EDNRB: variants seen among roughly 807,000 people sequenced by gnomAD.
EDNRB encodes the protein Hirschsprung disease 2.
A neutral mutation model predicts 46.4 loss-of-function variants in EDNRB; 18 were observed. The ratio of observed to expected loss-of-function variants is 0.39; its 90% confidence interval spans 0.27 to 0.57. The LOEUF (loss-of-function observed/expected upper bound fraction) is 0.57, where lower values mean the gene tolerates loss of function less well. EDNRB is among the 20% of genes least tolerant of loss of function. EDNRB has a pLI of 0.61. For missense variants in EDNRB, 434 were observed against 537.5 expected, an observed-to-expected ratio of 0.81 and a Z score of 1.90; for synonymous variants, 213 against 204.9, an observed-to-expected ratio of 1.04 and a Z score of -0.34.
Position 77,904,936 on chromosome 13 carries a change from T to C in EDNRB, c.484-1329A>G, listed in dbSNP as rs946304827. On this transcript the variant is annotated intron_variant, in intron 1 of 6. Transcript: ENST00000646607. Reference sequence around the variant, plus strand: ...CGAGTTTGTCAAGCTGAGTTGATTGTTCTATAACTAGAATGACGTCAAAGG... The same window carrying C: ...CGAGTTTGTCAAGCTGAGTTGATTGCTCTATAACTAGAATGACGTCAAAGG... Among the ~76,000 whole-genome samples, 5 of 152,140 alleles carry C rather than the reference T, an allele frequency of 3.3e-5. No homozygotes were observed. In the South Asian group the frequency reaches 8.3e-4, roughly 25 times the overall value.
chr13:77,898,841 C>A (rs1010831072), intron 6 of EDNRB, among the ~76,000 whole-genome samples: 2 of 151,904 alleles, frequency 1.3e-5, no homozygotes, highest in Admixed American at 1.3e-4. Context: ...ATTTAACCTG[C>A]TTTTTCTCAC....
At chr13:77,938,533 G>T (rs563362578) in intron 1 of EDNRB, among the ~76,000 whole-genome samples, 1 of 152,274 alleles carries the variant, frequency 6.6e-6, no homozygotes, top group African/African-American at 2.4e-5. Flanking sequence ...GCCGCTAAGG[G>T]TGAATGACCA....
In EDNRB at chr13:77,918,286, G is replaced by A. The variant is rs1482128726; in HGVS notation, c.288C>T (p.Ile96=). The part of the protein sequence containing the change: ...SPPPCQGPIE[I]KETFKYINTV... The stretch of plus-strand genomic sequence containing the variant: ...TGTTGATGTATTTGAAAGTCTCCTT[G>A]ATCTCGATGGGTCCTTGGCACGGGG... Residue 96 remains isoleucine, a synonymous_variant, in exon 1 of 7, where the codon ATC becomes ATT. Coordinates refer to ENST00000646607, the MANE Select transcript of EDNRB (RefSeq NM_001122659.3). The surrounding 1 kb of genome is among the most constrained non-coding windows in gnomAD (Gnocchi z 4.5). 1 of 1,614,082 alleles carries A rather than the reference G, an allele frequency of 6.2e-7. No individual in the cohort carries two copies. Among genetic ancestry groups the A allele is most frequent in the Non-Finnish European group, 8.5e-7 (1 of 1,180,004 alleles).
At chr13:77,969,270 G>T (rs1881662223) in intron 1 of EDNRB, among the ~76,000 whole-genome samples, 1 of 152,134 alleles carries the variant, frequency 6.6e-6, no homozygotes, top group Non-Finnish European at 1.5e-5. Context: ...CTGTAACCAG[G>T]TCTATGGTTG....
intron 3 of EDNRB, among the ~76,000 whole-genome samples, chr13:77,902,443 T>A (rs1374429157): frequency 1.3e-5 from 2 of 151,898 alleles, no homozygotes; most frequent in African/African-American, 4.8e-5. Context: ...CTAGCCTCTA[T>A]CACCTGCTCT....
intron 1 of EDNRB, among the ~76,000 whole-genome samples, chr13:77,969,008 A>G (rs1282257504): frequency 2.0e-5 from 3 of 152,174 alleles, no homozygotes; most frequent in African/African-American, 7.2e-5. Context: ...AATGACATCC[A>G]TTGGTCTTAA....
intron 1 of EDNRB, among the ~76,000 whole-genome samples, chr13:77,905,365 T>A (rs1879222818): frequency 1.3e-5 from 2 of 151,982 alleles, no homozygotes; most frequent in African/African-American, 4.8e-5. Flanking sequence ...TATATATTTT[T>A]AAAAAACTCT....
At chr13:77,968,832 C>T (rs13378491) in intron 1 of EDNRB, among the ~76,000 whole-genome samples, 3,148 of 152,196 alleles carry the variant, frequency 0.021, 116 homozygotes, top group African/African-American at 0.072. Context: ...TTGTGTACTG[C>T]TCCTTAAAAA....
Position 77,961,819 on chromosome 13 carries a change from C to G in EDNRB, c.-52+13528G>C, listed in dbSNP as rs543257125. 2.6e-5 allele frequency among the ~76,000 whole-genome samples: 4 copies of G among 152,144 alleles called. No individual in the cohort carries two copies. The South Asian group carries it at 8.3e-4, about 32-fold the overall frequency. On this transcript the variant is annotated intron_variant, in intron 1 of 7. Transcript: ENST00000646948. ...GGAGATAGAGACATGAAAAACCCTT[C>G]AAAAAATCAATGAATCCAGGAGCTG... is the stretch of plus-strand genomic sequence containing the variant.
intron 1 of EDNRB, among the ~76,000 whole-genome samples, chr13:77,909,983 C>T (rs945185335): frequency 2.6e-5 from 4 of 151,844 alleles, no homozygotes; most frequent in Admixed American, 6.6e-5. Context: ...GAAAAGGTAA[C>T]GACAAAAATT....
chr13:77,939,449 G>T (rs986118799), intron 1 of EDNRB: 1 of 152,120 alleles, frequency 6.6e-6, no homozygotes, highest in Non-Finnish European at 1.5e-5. Context: ...TCTCTAATTT[G>T]AGTTTTAGTG....
At chr13:77,908,900 T>G (rs901742609) in intron 1 of EDNRB, among the ~76,000 whole-genome samples, 1 of 152,030 alleles carries the variant, frequency 6.6e-6, no homozygotes. Context: ...CTAACATTGA[T>G]CAAATATGAG....
chr13:77,942,125 C>G (rs964999479), intron 1 of EDNRB, among the ~76,000 whole-genome samples: 1 of 152,174 alleles, frequency 6.6e-6, no homozygotes, highest in Non-Finnish European at 1.5e-5. Context: ...TTTGTGCCTT[C>G]CCTCTGCTGT....
chr13:77,898,405 G>T (rs1359702680), intron 6 of EDNRB, 71 bp from the exon 7 acceptor site: 2 of 1,599,344 alleles, frequency 1.3e-6, no homozygotes, highest in East Asian at 2.3e-5. Flanking sequence ...CCTCTCCAGG[G>T]TTCTGACTTT....
At chr13:77,907,736 T>G (rs1311081636) in intron 1 of EDNRB, among the ~76,000 whole-genome samples, 1 of 151,956 alleles carries the variant, frequency 6.6e-6, no homozygotes, top group East Asian at 1.9e-4. Flanking sequence ...TCCAGACCAT[T>G]GAAGGGAAAG....
At chr13:77,912,641 A>T (rs1299159950) in intron 1 of EDNRB, among the ~76,000 whole-genome samples, 2 of 152,104 alleles carry the variant, frequency 1.3e-5, no homozygotes, top group Non-Finnish European at 2.9e-5. Context: ...GATGGGTGTC[A>T]GGGTATTTGC....
At chr13:77,968,241 T>C (rs1022237419) in intron 1 of EDNRB, among the ~76,000 whole-genome samples, 1 of 152,126 alleles carries the variant, frequency 6.6e-6, no homozygotes. Context: ...TTAAGCAACA[T>C]TGAGAATATT....
chr13:77,918,228 T>A lies in EDNRB; in HGVS notation c.346A>T (p.Ile116Phe). 6.2e-7 allele frequency: 1 copy of A among 1,614,004 alleles called. No homozygotes were observed. Among genetic ancestry groups the A allele is most frequent in the African/African-American group, 1.3e-5 (1 of 75,002 alleles). Residue 116 changes from isoleucine (I) to phenylalanine (F), a missense_variant, in exon 1 of 7, where the codon ATC becomes TTC. Coordinates refer to ENST00000646607, the MANE Select transcript of EDNRB (RefSeq NM_001122659.3). The surrounding 1 kb of genome is among the most constrained non-coding windows in gnomAD (Gnocchi z 4.5). ...CTCAGAAGTGTGGAGTTCCCGATGATCCCCAGCACGAACACAAGGCAGGAC... is the reference window on the plus strand; with the variant it reads ...CTCAGAAGTGTGGAGTTCCCGATGAACCCCAGCACGAACACAAGGCAGGAC... ...VVSCLVFVLG[I>F]IGNSTLLRII...
chr13:77,936,439 GA>G (rs1446033106), intron 1 of EDNRB, among the ~76,000 whole-genome samples: 1 of 152,184 alleles, frequency 6.6e-6, no homozygotes, highest in Admixed American at 6.5e-5. Flanking sequence ...GGAGGCAAGG[GA>G]AACAGGCCCT....
Sources: allele counts gnomAD v4.1 joint callset (sites outside exome capture counted in the v4.1 genomes callset), GRCh38; gene constraint gnomAD v4.1.1; non-coding constraint Gnocchi (gnomAD v3.1); transcripts MANE v1.5; gene names NCBI Gene and HGNC (gene_info 2026-07-23, HGNC 2026-07-21).